Variants in MGAT4C observed in about 807,000 individuals in gnomAD.
The protein encoded by MGAT4C is MGAT4 family member C.
In MGAT4C, 19 loss-of-function variants were observed where a neutral mutation model predicts 40.1. The observed-to-expected ratio is 0.47, with a 90% CI of 0.33 to 0.70. The LOEUF (loss-of-function observed/expected upper bound fraction) is 0.70, where lower values mean the gene tolerates loss of function less well. Ranked by LOEUF, MGAT4C falls within the 30% of genes least tolerant of loss-of-function variation. The pLI, the probability that MGAT4C is intolerant of heterozygous loss-of-function variation, is 0.02. For synonymous variants in MGAT4C, 181 were observed against 187.1 expected (o/e 0.97, Z 0.27); for missense variants, 491 against 563.2 (o/e 0.87, Z 1.30).
chr12:86,397,647 A>C (rs985952662), intron 3 of MGAT4C, among the ~76,000 whole-genome samples: 2 of 152,034 alleles, frequency 1.3e-5, no homozygotes. Context: ...AAATAATATA[A>C]TTTGGTTTTT....
At chr12:86,792,694 G>A (rs1247715103) in intron 1 of MGAT4C, among the ~76,000 whole-genome samples, 1 of 152,142 alleles carries the variant, frequency 6.6e-6, no homozygotes, top group Non-Finnish European at 1.5e-5. Context: ...CACTTTGGGA[G>A]GCCGAGGCGG....
At chr12:86,141,287 T>C (rs2135739280) in intron 1 of MGAT4C, among the ~76,000 whole-genome samples, 1 of 152,246 alleles carries the variant, frequency 6.6e-6, no homozygotes, top group South Asian at 2.1e-4. Flanking sequence ...AGGACACAAG[T>C]TTAACAGAGA....
intron 3 of MGAT4C, among the ~76,000 whole-genome samples, chr12:86,400,635 G>A (rs1238814734): frequency 5.9e-5 from 9 of 152,180 alleles, no homozygotes; most frequent in Admixed American, 4.6e-4. Flanking sequence ...ATGTAAACAT[G>A]AGAAAGTAAC....
intron 1 of MGAT4C, among the ~76,000 whole-genome samples, chr12:86,173,740 A>AT (rs1290499553): frequency 2.0e-5 from 3 of 152,022 alleles, no homozygotes; most frequent in Non-Finnish European, 2.9e-5. Context: ...GCTGGGATAA[A>AT]TTTTTTGTAA....
intron 1 of MGAT4C, among the ~76,000 whole-genome samples, chr12:86,804,866 G>A (rs907300243): frequency 1.8e-4 from 21 of 116,990 alleles, no homozygotes; most frequent in Non-Finnish European, 2.2e-4. Context: ...TATACTTGAC[G>A]AACTTTGGTA....
In MGAT4C at chr12:85,956,368, T is replaced by G. The variant is rs986055882; in HGVS notation, c.*22921A>C. The G allele has an allele frequency of 6.6e-6, 1 of 152,206 alleles. No homozygotes were observed. Among genetic ancestry groups the G allele is most frequent in the Non-Finnish European group, 1.5e-5 (1 of 68,020 alleles). 9.4% of individuals were successfully genotyped at this position (152,206 alleles called of 1,614,324 possible). Reference sequence around the variant, plus strand: ...ACTAGGTGACTCATTTATGCTAACATGGGAATCTGATTCTCAATAACTTCG... The same window carrying G: ...ACTAGGTGACTCATTTATGCTAACAGGGGAATCTGATTCTCAATAACTTCG... On this transcript the variant is annotated 3_prime_UTR_variant, in exon 5 of 5. Transcript: ENST00000611864.
intron 2 of MGAT4C, among the ~76,000 whole-genome samples, chr12:86,654,813 T>A (rs562745175): frequency 6.6e-6 from 1 of 151,856 alleles, no homozygotes; most frequent in African/African-American, 2.4e-5. Flanking sequence ...ATTGCTGTTG[T>A]GTATTGCGGT....
chr12:86,623,872 G>A (rs1307193130), intron 2 of MGAT4C, among the ~76,000 whole-genome samples: 1 of 152,122 alleles, frequency 6.6e-6, no homozygotes, highest in Non-Finnish European at 1.5e-5. Context: ...CCAGCTATGT[G>A]AAACATTGAA....
At chr12:86,695,899 T>C (rs186345184) in intron 2 of MGAT4C, among the ~76,000 whole-genome samples, 22 of 152,170 alleles carry the variant, frequency 1.4e-4, no homozygotes, top group Admixed American at 9.2e-4. Flanking sequence ...AAGAATTTAA[T>C]TGTACATTTT....
At chr12:86,782,824 C>T (rs527579413) in intron 1 of MGAT4C, among the ~76,000 whole-genome samples, 7 of 152,228 alleles carry the variant, frequency 4.6e-5, no homozygotes, top group Admixed American at 6.5e-5. Flanking sequence ...TGGATATCTG[C>T]GTATGTACAA....
intron 2 of MGAT4C, among the ~76,000 whole-genome samples, chr12:86,615,747 G>A (rs1003853723): frequency 1.3e-5 from 2 of 152,012 alleles, no homozygotes; most frequent in Admixed American, 6.5e-5. Context: ...ATGACCCTGT[G>A]AAATCCTGGA....
chr12:86,610,800 C>T (rs186906184), intron 2 of MGAT4C, among the ~76,000 whole-genome samples: 38 of 132,554 alleles, frequency 2.9e-4, no homozygotes, highest in Non-Finnish European at 5.6e-4. Flanking sequence ...GAGAAAAATA[C>T]CTGTAAAAGT....
intron 1 of MGAT4C, among the ~76,000 whole-genome samples, chr12:86,218,830 T>C (rs1231115073): frequency 6.6e-6 from 1 of 152,176 alleles, no homozygotes; most frequent in Non-Finnish European, 1.5e-5. Flanking sequence ...TATGTTAAAC[T>C]ATTTAATAAA....
chr12:86,507,262 T>C (rs546415546), intron 2 of MGAT4C, among the ~76,000 whole-genome samples: 11 of 152,338 alleles, frequency 7.2e-5, no homozygotes, highest in Middle Eastern at 3.4e-3. Context: ...TCTACTATTA[T>C]TCATCTAATA....
intron 4 of MGAT4C, among the ~76,000 whole-genome samples, chr12:86,302,617 CAG>C (rs1953842916): frequency 6.6e-6 from 1 of 150,476 alleles, no homozygotes; most frequent in South Asian, 2.1e-4. Context: ...TTAGTAGAGA[CAG>C]GGTTTCACCA....
intron 2 of MGAT4C, among the ~76,000 whole-genome samples, chr12:86,036,885 T>C (rs1891290418): frequency 6.7e-6 from 1 of 149,994 alleles, no homozygotes; most frequent in Non-Finnish European, 1.5e-5. Context: ...CTCCTCTTTG[T>C]ACCTCTGGTA....
intron 1 of MGAT4C, among the ~76,000 whole-genome samples, chr12:86,209,313 A>T (rs1950371977): frequency 6.6e-6 from 1 of 152,104 alleles, no homozygotes; most frequent in East Asian, 1.9e-4. Context: ...TCTGAAAAAA[A>T]ATCTCTAAAA....
intron 2 of MGAT4C, among the ~76,000 whole-genome samples, chr12:86,634,325 C>G (rs1298009489): frequency 6.6e-6 from 1 of 152,102 alleles, no homozygotes; most frequent in South Asian, 2.1e-4. Context: ...TTTAATCCAT[C>G]TATACTTCAG....
intron 3 of MGAT4C, among the ~76,000 whole-genome samples, chr12:86,365,531 T>C (rs974867752): frequency 5.3e-5 from 8 of 152,304 alleles, no homozygotes; most frequent in East Asian, 1.9e-4. Flanking sequence ...TGTTCAGAGA[T>C]TGCAGTAAAG....
Sources: gnomAD v4.1 joint callset for allele counts (sites outside exome capture counted in the v4.1 genomes callset) on GRCh38, gnomAD v4.1.1 for gene constraint, MANE v1.5 for transcripts, NCBI Gene and HGNC (gene_info 2026-07-23, HGNC 2026-07-21) for gene names.